Variants in GYPE observed in about 807,000 individuals in gnomAD.
GYPE encodes glycophorin E (MNS blood group).
Under a neutral mutation model 11.6 loss-of-function variants are expected in GYPE, and 8 were observed. The observed-to-expected ratio is 0.69, with a 90% CI of 0.41 to 1.25. GYPE has a LOEUF of 1.25. Ranked by LOEUF, GYPE falls within the 50% of genes most tolerant of loss-of-function variation. GYPE has a pLI of 0.01. For missense variants in GYPE, 90 were observed against 92.8 expected, an observed-to-expected ratio of 0.97 and a Z score of 0.12; for synonymous variants, 28 against 29.6, an observed-to-expected ratio of 0.94 and a Z score of 0.18.
chr4:143,888,649 G>T (rs1223069916), intron 1 of GYPE, among the ~76,000 whole-genome samples: 1 of 148,090 alleles, frequency 6.8e-6, no homozygotes, highest in South Asian at 2.3e-4. Flanking sequence ...GTCTTGGACA[G>T]AATTAACGTA....
chr4:143,902,361 G>T (rs938739458), intron 1 of GYPE, among the ~76,000 whole-genome samples: 71 of 145,222 alleles, frequency 4.9e-4, no homozygotes, highest in African/African-American at 1.5e-3. Context: ...AAAAAAAAGA[G>T]ATGCCTTGTT....
chr4:143,898,128 A>G (rs183066752), intron 1 of GYPE, among the ~76,000 whole-genome samples: 66 of 152,240 alleles, frequency 4.3e-4, no homozygotes, highest in Middle Eastern at 3.4e-3. Context: ...TGTAATCCCA[A>G]CACTTTGGGA....
At chr4:143,897,118 G>T (rs111532787) in intron 1 of GYPE, among the ~76,000 whole-genome samples, 9 of 151,720 alleles carry the variant, frequency 5.9e-5, no homozygotes, top group African/African-American at 1.2e-4. Context: ...GTAACTAACC[G>T]GCACATTGTG....
intron 1 of GYPE, among the ~76,000 whole-genome samples, chr4:143,903,524 CAAAAAAAAAA>C (rs11400558): frequency 8.1e-5 from 8 of 98,848 alleles, no homozygotes; most frequent in Non-Finnish European, 1.3e-4. Context: ...TTTTTCATAG[CAAAAAAAAAA>C]AAAAAAAAGA....
At chr4:143,890,600 G>C (rs1049250119) in intron 1 of GYPE, among the ~76,000 whole-genome samples, 3 of 152,184 alleles carry the variant, frequency 2.0e-5, no homozygotes, top group African/African-American at 7.2e-5. Context: ...GCGGCCAGCG[G>C]CGAAAACAAC....
chr4:143,903,896 C>G (rs891893426), intron 1 of GYPE, among the ~76,000 whole-genome samples: 17 of 152,258 alleles, frequency 1.1e-4, no homozygotes, highest in African/African-American at 4.1e-4. Flanking sequence ...TGGGCACACC[C>G]CCCAGTAGAG....
chr4:143,883,004 T>G (rs1329025910), intron 1 of GYPE, among the ~76,000 whole-genome samples: 8 of 152,176 alleles, frequency 5.3e-5, no homozygotes, highest in East Asian at 1.9e-4. Context: ...TGGATCTGTG[T>G]CATCATCCAA....
intron 1 of GYPE, among the ~76,000 whole-genome samples, chr4:143,881,857 G>A (rs534690764): frequency 6.6e-6 from 1 of 152,312 alleles, no homozygotes; most frequent in South Asian, 2.1e-4. Context: ...AGTGGAGGTG[G>A]AAGGGCTTCT....
intron 1 of GYPE, among the ~76,000 whole-genome samples, chr4:143,895,522 G>T (rs1406567216): frequency 1.3e-5 from 2 of 149,928 alleles, no homozygotes; most frequent in Non-Finnish European, 3.0e-5. Context: ...CAAACAAATG[G>T]AAGAACATTC....
chr4:143,895,225 CA>C (rs930500698), intron 1 of GYPE, among the ~76,000 whole-genome samples: 9 of 152,092 alleles, frequency 5.9e-5, no homozygotes, highest in African/African-American at 1.9e-4. Context: ...TGTCCCTGTT[CA>C]CAGACGACAT....
At chr4:143,896,817 A>T (rs916013715) in intron 1 of GYPE, among the ~76,000 whole-genome samples, 5 of 152,190 alleles carry the variant, frequency 3.3e-5, no homozygotes, top group Admixed American at 1.3e-4. Flanking sequence ...CCATGGAATA[A>T]TATGCGGCCA....
chr4:143,874,835 T>C (rs1164526307), intron 3 of GYPE, among the ~76,000 whole-genome samples: 1 of 152,186 alleles, frequency 6.6e-6, no homozygotes, highest in Admixed American at 6.6e-5. Context: ...CAGAGTTCAT[T>C]TGAAAGTCAG....
chr4:143,883,358 A>T (rs1578960431), intron 1 of GYPE, among the ~76,000 whole-genome samples: 1 of 151,986 alleles, frequency 6.6e-6, no homozygotes, highest in African/African-American at 2.4e-5. Flanking sequence ...GAGGCAATTA[A>T]ACCTCTTTTC....
chr4:143,874,030 C>A (rs993456152), intron 3 of GYPE, among the ~76,000 whole-genome samples: 6 of 151,988 alleles, frequency 3.9e-5, no homozygotes, highest in Non-Finnish European at 8.8e-5. Flanking sequence ...ATAAGTAAAA[C>A]CCCATGTAGA....
chr4:143,880,591 C>G, intron 1 of GYPE, 82 bp from the exon 2 acceptor site: 1 of 1,603,916 alleles, frequency 6.2e-7, no homozygotes, highest in Non-Finnish European at 8.5e-7. Context: ...AGACAAATTC[C>G]CTCACATCCC....
Position 143,876,866 on chromosome 4 carries a change from TA to T in GYPE, c.137-12del. On this transcript the variant is annotated splice_polypyrimidine_tract_variant and intron_variant, in intron 2 of 3. Transcript: ENST00000358615. The stretch of plus-strand genomic sequence containing the variant: ...TAATGAGTGTTATCCCTACAGGAGA[TA>T]AAGAGAGCGGCAAAATTATGAAAGT... 1.3e-6 allele frequency: 2 copies of T among 1,525,732 alleles called. No individual in the cohort carries two copies. Among genetic ancestry groups the T allele is most frequent in the Non-Finnish European group, 1.8e-6 (2 of 1,100,612 alleles). The allele number at this position is 1,525,732 out of a possible 1,614,324, so 94.5% of individuals were successfully genotyped here.
intron 3 of GYPE, among the ~76,000 whole-genome samples, chr4:143,876,018 C>A (rs1041794921): frequency 6.6e-6 from 1 of 151,468 alleles, no homozygotes; most frequent in African/African-American, 2.4e-5. Context: ...CAAAAAAAAT[C>A]ACTGATGTTA....
intron 3 of GYPE, chr4:143,875,374 A>G: frequency 8.3e-7 from 1 of 1,201,924 alleles, no homozygotes; most frequent in Non-Finnish European, 1.2e-6. Context: ...AGGCAGGAGA[A>G]CAGGGAGTTA....
intron 2 of GYPE, among the ~76,000 whole-genome samples, chr4:143,879,779 A>AC (rs1743952792): frequency 1.3e-5 from 2 of 152,068 alleles, no homozygotes; most frequent in African/African-American, 4.8e-5. Flanking sequence ...TGAAAGACAA[A>AC]TCTCCCACAT....
Sources: gnomAD v4.1 joint callset for allele counts (sites outside exome capture counted in the v4.1 genomes callset) on GRCh38, gnomAD v4.1.1 for gene constraint, MANE v1.5 for transcripts, NCBI Gene and HGNC (gene_info 2026-07-23, HGNC 2026-07-21) for gene names.